The following CTNNA2 variants were observed in gnomAD, a reference collection of about 807,000 sequenced individuals.
The protein encoded by CTNNA2 is catenin alpha 2.
In CTNNA2, 42 loss-of-function variants were observed where a neutral mutation model predicts 101.0. The ratio of observed to expected loss-of-function variants is 0.42; its 90% CI spans 0.32 to 0.54. The LOEUF is 0.54. Among genes scored for constraint, CTNNA2 ranks in the 20% least tolerant of loss-of-function variants. CTNNA2 has a pLI of 0.14. For missense variants in CTNNA2, 871 were observed against 1,223.1 expected (o/e 0.71, Z 4.29); for synonymous variants, 450 against 456.4 (o/e 0.99, Z 0.18).
At chr2:79,268,292 A>G (rs982720739) in intron 2 of CTNNA2, among the ~76,000 whole-genome samples, 2 of 152,080 alleles carry the variant, frequency 1.3e-5, no homozygotes, top group African/African-American at 4.8e-5. Flanking sequence ...GTCTGCTGGA[A>G]TCTGTGGCGA....
At chr2:79,833,202 C>T (rs1435300993) in intron 3 of CTNNA2, among the ~76,000 whole-genome samples, 2 of 152,136 alleles carry the variant, frequency 1.3e-5, no homozygotes, top group South Asian at 2.1e-4. Context: ...CTGTGGATCA[C>T]AAGATAATTT....
intron 7 of CTNNA2, among the ~76,000 whole-genome samples, chr2:80,211,340 A>G (rs1316036019): frequency 1.3e-5 from 2 of 152,120 alleles, no homozygotes; most frequent in Admixed American, 1.3e-4. Flanking sequence ...TAGGCTTTCT[A>G]TGGTTTTAGG....
chr2:79,821,144 A>C (rs1460941155), intron 3 of CTNNA2, among the ~76,000 whole-genome samples: 2 of 152,214 alleles, frequency 1.3e-5, no homozygotes, highest in Non-Finnish European at 2.9e-5. Context: ...TAAACCATTA[A>C]TTCCCCTGCA....
intron 17 of CTNNA2, among the ~76,000 whole-genome samples, chr2:80,615,888 C>T (rs1698812001): frequency 6.6e-6 from 1 of 151,694 alleles, no homozygotes; most frequent in East Asian, 1.9e-4. Context: ...TGCATCGGAA[C>T]ACATTGTCTT....
Position 79,215,561 on chromosome 2 carries a change from T to A in CTNNA2, c.-406+17485T>A, listed in dbSNP as rs191606455. ...TGGGTAATAAAACGTATTTTGAGAA[T>A]AAGACGACCTTTTGACCTTTTAGGG... On this transcript the variant is annotated intron_variant, in intron 2 of 21. Transcript: ENST00000466387. Among the ~76,000 whole-genome samples the A allele has an allele frequency of 6.3e-4, 96 of 152,266 alleles. No homozygotes were observed. The East Asian group carries it at 0.014, about 22-fold the overall frequency.
At chr2:79,446,952 G>T (rs2104523590) in intron 4 of CTNNA2, among the ~76,000 whole-genome samples, 1 of 152,006 alleles carries the variant, frequency 6.6e-6, no homozygotes, top group Non-Finnish European at 1.5e-5. Flanking sequence ...CCAGTAATTT[G>T]TTATCAAATC....
rs541482763 is a variant in CTNNA2 at position 79,520,876 on chromosome 2, G to A, written c.-6+7669G>A. Among the ~76,000 whole-genome samples, 40 of 151,952 alleles carry A rather than the reference G, an allele frequency of 2.6e-4. 1 individual carries two copies. In the East Asian group the frequency reaches 7.6e-3, roughly 29 times the overall value. Reference sequence around the variant, plus strand: ...ACTGTGATACTCATACATTGCTGGTGGGAATGTAATACTTTGGGAAACAGT... The same window carrying A: ...ACTGTGATACTCATACATTGCTGGTAGGAATGTAATACTTTGGGAAACAGT... On this transcript the variant is annotated intron_variant, in intron 1 of 18. Transcript: ENST00000402739.
chr2:80,026,687 G>C (rs185209484), intron 7 of CTNNA2, among the ~76,000 whole-genome samples: 140 of 152,154 alleles, frequency 9.2e-4, no homozygotes, highest in African/African-American at 3.1e-3. Flanking sequence ...TATAATTACT[G>C]GAAAGGACCT....
chr2:80,078,627 A>C (rs954059341), intron 7 of CTNNA2, among the ~76,000 whole-genome samples: 1 of 152,208 alleles, frequency 6.6e-6, no homozygotes, highest in Non-Finnish European at 1.5e-5. Context: ...TAGTGGTGGT[A>C]AGAATGAAAA....
chr2:79,677,490 G>A (rs1288388704), intron 2 of CTNNA2, among the ~76,000 whole-genome samples: 4 of 152,150 alleles, frequency 2.6e-5, no homozygotes, highest in Admixed American at 1.3e-4. Context: ...AAAATGTGGA[G>A]TCGTAATAGG....
At chr2:79,310,930 CCA>C (rs1446525869) in intron 2 of CTNNA2, among the ~76,000 whole-genome samples, 1 of 152,060 alleles carries the variant, frequency 6.6e-6, no homozygotes, top group African/African-American at 2.4e-5. Flanking sequence ...TCAGATTGGG[CCA>C]CAGAGTGGTG....
At chr2:80,111,965 T>A (rs1701238350) in intron 7 of CTNNA2, among the ~76,000 whole-genome samples, 4 of 152,244 alleles carry the variant, frequency 2.6e-5, no homozygotes. Context: ...TCACAGGTAC[T>A]GTTCTAGGCA....
chr2:80,313,235 C>A, intron 7 of CTNNA2: 1 of 357,880 alleles, frequency 2.8e-6, no homozygotes, highest in Non-Finnish European at 4.4e-6. Flanking sequence ...TAGTTAGATG[C>A]ATTTATCTCT....
intron 4 of CTNNA2, among the ~76,000 whole-genome samples, chr2:79,465,852 A>G (rs1291378930): frequency 6.6e-6 from 1 of 152,174 alleles, no homozygotes; most frequent in Non-Finnish European, 1.5e-5. Flanking sequence ...ACTTTGCTGA[A>G]TTTGCTTATC....
intron 2 of CTNNA2, among the ~76,000 whole-genome samples, chr2:79,290,687 A>T (rs1675778876): frequency 1.3e-5 from 2 of 152,144 alleles, no homozygotes; most frequent in South Asian, 4.1e-4. Context: ...CGGAGGAACG[A>T]CATGGAGTTT....
chr2:79,372,488 T>C (rs1677895281), intron 3 of CTNNA2, among the ~76,000 whole-genome samples: 1 of 152,164 alleles, frequency 6.6e-6, no homozygotes, highest in Non-Finnish European at 1.5e-5. Context: ...AAGCCAGGCA[T>C]GTACTTCTTT....
At chr2:80,001,113 C>T (rs1692915953) in intron 7 of CTNNA2, among the ~76,000 whole-genome samples, 1 of 151,986 alleles carries the variant, frequency 6.6e-6, no homozygotes, top group Non-Finnish European at 1.5e-5. Context: ...TTACACACAA[C>T]TTTTTTTTGT....
At chr2:80,176,840 G>T (rs1013607042) in intron 7 of CTNNA2, among the ~76,000 whole-genome samples, 1 of 152,282 alleles carries the variant, frequency 6.6e-6, no homozygotes. Context: ...GGTAGGGGGA[G>T]CCCAAAGTGG....
At chr2:79,858,384 A>C (rs1445548875) in intron 4 of CTNNA2, among the ~76,000 whole-genome samples, 1 of 152,122 alleles carries the variant, frequency 6.6e-6, no homozygotes, top group Non-Finnish European at 1.5e-5. Flanking sequence ...ACTCACTTGA[A>C]TTATTATTTT....
Sources: allele counts gnomAD v4.1 joint callset (sites outside exome capture counted in the v4.1 genomes callset), GRCh38; gene constraint gnomAD v4.1.1; transcripts MANE v1.5; gene names NCBI Gene and HGNC (gene_info 2026-07-23, HGNC 2026-07-21).